Variants in WHRN observed in about 807,000 individuals in gnomAD.
WHRN encodes the protein whirlin, also known as CASK-interacting protein CIP98.
Under a neutral mutation model 68.3 loss-of-function variants are expected in WHRN, and 41 were observed. The ratio of observed to expected loss-of-function variants is 0.60; its 90% CI spans 0.47 to 0.78. The LOEUF (loss-of-function observed/expected upper bound fraction) is 0.78. Among genes scored for constraint, WHRN ranks in the 30% least tolerant of loss-of-function variants. The pLI is 0.00. For synonymous variants in WHRN, 560 were observed against 561.3 expected (o/e 1.00, Z 0.03); for missense variants, 1,243 against 1,244.7 (o/e 1.00, Z 0.02).
chr9:114,409,769 C>T (rs1053511136), intron 7 of WHRN, among the ~76,000 whole-genome samples: 1 of 151,872 alleles, frequency 6.6e-6, no homozygotes, highest in Non-Finnish European at 1.5e-5. Flanking sequence ...CCACCTGTCA[C>T]CTGCTCGACA....
chr9:114,502,059 A>G (rs1024548080), intron 1 of WHRN, among the ~76,000 whole-genome samples: 1 of 152,226 alleles, frequency 6.6e-6, no homozygotes, highest in African/African-American at 2.4e-5. Flanking sequence ...TCCACCCACC[A>G]AAGAAAAGTC....
At chr9:114,489,514 GTGCA>G (rs1842807000) in intron 1 of WHRN, among the ~76,000 whole-genome samples, 1 of 12,918 alleles carries the variant, frequency 7.7e-5, no homozygotes, top group South Asian at 0.014. Flanking sequence ...GCACACACGC[GTGCA>G]CACACACACA....
chr9:114,426,342 C>A lies in WHRN; in HGVS notation c.1035G>T (p.Leu345=). The A allele has an allele frequency of 6.2e-7, 1 of 1,614,068 alleles. No individual in the cohort carries two copies. Among genetic ancestry groups the A allele is most frequent in the East Asian group, 2.2e-5 (1 of 44,884 alleles). The part of the protein sequence containing the change: ...LNILHDEAVR[L]LKSSRHLILT... ...GGATGAGGTGCCGAGATGACTTAAG[C>A]AGCCTGACAGCCTCGTCGTGTAGGA... Residue 345 remains leucine, a synonymous_variant, in exon 4 of 12, where the codon CTG becomes CTT. Coordinates refer to ENST00000362057, the MANE Select transcript of WHRN (RefSeq NM_015404.4).
At chr9:114,476,682 C>T (rs1314813551) in intron 2 of WHRN, among the ~76,000 whole-genome samples, 1 of 152,146 alleles carries the variant, frequency 6.6e-6, no homozygotes, top group Non-Finnish European at 1.5e-5. Flanking sequence ...GTGCTCTTGT[C>T]CACTCCCATA....
In WHRN at chr9:114,478,752, T is replaced by TTCTTGGAG; in HGVS notation, c.630_637dup (p.Lys213ThrfsTer49). 6.2e-7 allele frequency: 1 copy of TTCTTGGAG among 1,612,160 alleles called. No individual in the cohort carries two copies. Among genetic ancestry groups the TTCTTGGAG allele is most frequent in the African/African-American group, 1.3e-5 (1 of 75,008 alleles). On this transcript the variant is annotated frameshift_variant, in exon 2 of 12. Coordinates refer to ENST00000362057, the MANE Select transcript of WHRN (RefSeq NM_015404.4). LOFTEE classifies it high-confidence loss of function. ...TGCTGAGTACACAGACAGCACCAGCTTCTTGGAGCCCTTCAGAGCCTAGGG... is the reference window on the plus strand; with the variant it reads ...TGCTGAGTACACAGACAGCACCAGCTTCTTGGAGTCTTGGAGCCCTTCAGAGCCTAGGG...
rs114432391 is a variant in WHRN, at chr9:114,495,018, G to T, written c.618+9166C>A. 2.0e-3 allele frequency among the ~76,000 whole-genome samples: 310 copies of T among 152,344 alleles called. 1 individual carries two copies. The highest frequency in any genetic ancestry group is 7.3e-3 in the African/African-American group (303 of 41,582). ...AGCAGGCAGGTCCTCTGGAGAGGAC[G>T]TACTGAGGTTGCACCTAACAGGATA... On this transcript the variant is annotated intron_variant, in intron 1 of 11. Transcript: ENST00000362057.
chr9:114,423,244 T>A, intron 7 of WHRN, 70 bp downstream of exon 7: 1 of 1,516,690 alleles, frequency 6.6e-7, no homozygotes, highest in Non-Finnish European at 9.1e-7. Flanking sequence ...CTCAGGCTGG[T>A]CTCACTCCAA....
intron 8 of WHRN, 54 bp from the exon 9 acceptor site, chr9:114,406,946 G>A: frequency 1.3e-6 from 2 of 1,546,024 alleles, no homozygotes; most frequent in Middle Eastern, 1.7e-4. Context: ...ACGCCTGGAA[G>A]AGGGGAGGCC....
chr9:114,410,184 C>T (rs371170354), intron 7 of WHRN, among the ~76,000 whole-genome samples: 6 of 152,260 alleles, frequency 3.9e-5, no homozygotes, highest in African/African-American at 9.6e-5. Flanking sequence ...CTGTCTATCC[C>T]GTTCCTGCTT....
chr9:114,471,774 G>A (rs1841243570), intron 2 of WHRN, among the ~76,000 whole-genome samples: 1 of 152,232 alleles, frequency 6.6e-6, no homozygotes, highest in Non-Finnish European at 1.5e-5. Flanking sequence ...TGGCCAAGAG[G>A]CATGGTGGGG....
In WHRN at chr9:114,402,738, C is replaced by T. The variant is rs1231081504; in HGVS notation, c.*16G>A. 6 of 1,613,492 alleles carry T rather than the reference C, an allele frequency of 3.7e-6. No homozygotes were observed. The highest frequency in any genetic ancestry group is 5.1e-6 in the Non-Finnish European group (6 of 1,180,026). ...CAGGGGCTGGGCAGTGGTGGGAGGC[C>T]CTCAGGCCTTGGCCTCTAGAGCATC... On this transcript the variant is annotated 3_prime_UTR_variant, in exon 12 of 12. Coordinates refer to ENST00000362057, the MANE Select transcript of WHRN (RefSeq NM_015404.4).
chr9:114,434,558 T>C (rs1837689194), intron 3 of WHRN, among the ~76,000 whole-genome samples: 2 of 152,096 alleles, frequency 1.3e-5, no homozygotes, highest in Admixed American at 1.3e-4. Flanking sequence ...CCGGGGCTCC[T>C]CATCTCATTG....
At chr9:114,441,776 G>A (rs1463320500) in intron 3 of WHRN, among the ~76,000 whole-genome samples, 1 of 152,168 alleles carries the variant, frequency 6.6e-6, no homozygotes, top group African/African-American at 2.4e-5. Flanking sequence ...AATAGCAAGT[G>A]AGTTTTTTAA....
chr9:114,462,713 A>G (rs1840347053), intron 3 of WHRN, among the ~76,000 whole-genome samples: 1 of 152,254 alleles, frequency 6.6e-6, no homozygotes, highest in Non-Finnish European at 1.5e-5. Context: ...TCTCAGTTCT[A>G]GCACTTAGCT....
At chr9:114,497,676 G>A (rs1843579777) in intron 1 of WHRN, among the ~76,000 whole-genome samples, 1 of 152,242 alleles carries the variant, frequency 6.6e-6, no homozygotes, top group South Asian at 2.1e-4. Context: ...TTCTGGGGAT[G>A]TGGTTTGAAA....
intron 2 of WHRN, among the ~76,000 whole-genome samples, chr9:114,476,942 A>C (rs1457104635): frequency 6.6e-6 from 1 of 152,162 alleles, no homozygotes; most frequent in Admixed American, 6.5e-5. Context: ...AAAAAGATAA[A>C]ACAAGTTCTG....
intron 7 of WHRN, among the ~76,000 whole-genome samples, chr9:114,410,900 G>A (rs769066909): frequency 3.9e-5 from 6 of 152,238 alleles, no homozygotes; most frequent in Non-Finnish European, 8.8e-5. Flanking sequence ...CACTGGTTCT[G>A]GCTCTGCCAA....
In WHRN at chr9:114,504,573, T is replaced by A. The variant is rs56204273; in HGVS notation, c.229A>T (p.Thr77Ser). 15,113 of 1,611,512 alleles carry A rather than the reference T, an allele frequency of 9.4e-3. 108 individuals are homozygous for A. The highest frequency in any genetic ancestry group is 0.014 in the South Asian group (1,247 of 91,066). Residue 77 changes from threonine to serine, a missense_variant, in exon 1 of 12, where the codon ACC becomes TCC. By Grantham distance (58) the Thr-to-Ser change is moderately conservative. Transcript: ENST00000362057. Reference protein sequence around the residue: ...ARRNVFDLVRTLRVLLDSPVK... With the variant: ...ARRNVFDLVRSLRVLLDSPVK... ...GGACTGTCCAGCAGCACGCGCAGGG[T>A]GCGCACCAGGTCGAAGACGTTGCGG...
chr9:114,448,021 G>A (rs539132243), intron 3 of WHRN, among the ~76,000 whole-genome samples: 2 of 152,246 alleles, frequency 1.3e-5, no homozygotes, highest in East Asian at 3.9e-4. Context: ...GCCCCCTAGG[G>A]CCCTGTCATG....
Sources: gnomAD v4.1 joint callset for allele counts (sites outside exome capture counted in the v4.1 genomes callset) on GRCh38, gnomAD v4.1.1 for gene constraint, MANE v1.5 for transcripts, NCBI Gene and HGNC (gene_info 2026-07-23, HGNC 2026-07-21) for gene names.